SEPTIN7: variants seen among roughly 807,000 people sequenced by gnomAD.
SEPTIN7 encodes the protein septin-7.
A neutral mutation model predicts 63.3 loss-of-function variants in SEPTIN7; 10 were observed. That is an observed-to-expected ratio of 0.16 (90% CI 0.10 to 0.27). The LOEUF (loss-of-function observed/expected upper bound fraction) is 0.27, where lower values mean the gene tolerates loss of function less well. SEPTIN7 is among the 10% of genes least tolerant of loss of function. The probability of loss-of-function intolerance (pLI) is 1.00; values close to 1 mark genes in which losing one functional copy is unlikely to be tolerated. For missense variants in SEPTIN7, 310 were observed against 521.0 expected, an observed-to-expected ratio of 0.59 and a Z score of 3.94; for synonymous variants, 131 against 165.3, an observed-to-expected ratio of 0.79 and a Z score of 1.59.
intron 1 of SEPTIN7, among the ~76,000 whole-genome samples, chr7:35,817,388 G>C (rs190774836): frequency 3.9e-5 from 6 of 152,082 alleles, no homozygotes; most frequent in African/African-American, 1.4e-4. Flanking sequence ...ATTCTCATTT[G>C]TTTCTTATTG....
intron 1 of SEPTIN7, among the ~76,000 whole-genome samples, chr7:35,823,899 A>G (rs557775704): frequency 2.6e-5 from 4 of 151,418 alleles, no homozygotes; most frequent in Admixed American, 2.6e-4. Flanking sequence ...TATATCTGGT[A>G]CTTAGGGAAA....
intron 4 of SEPTIN7, among the ~76,000 whole-genome samples, chr7:35,866,878 G>A (rs1220715456): frequency 5.3e-5 from 8 of 152,156 alleles, no homozygotes; most frequent in Non-Finnish European, 8.8e-5. Flanking sequence ...CAATCACCTG[G>A]AAGGCTTGTC....
At chr7:35,913,183 C>T in the SEPTIN7 span, among the ~76,000 whole-genome samples, 1 of 152,174 alleles carries the variant, frequency 6.6e-6, no homozygotes, top group Non-Finnish European at 1.5e-5. Context: ...CTCAGAGCCA[C>T]AAGAAGGTCA....
At chr7:35,834,226 G>A (rs1190768487) in intron 3 of SEPTIN7, among the ~76,000 whole-genome samples, 16 of 151,592 alleles carry the variant, frequency 1.1e-4, no homozygotes, top group South Asian at 6.3e-4. Flanking sequence ...TTTCACTTAC[G>A]GGAAAACCTC....
chr7:35,810,326 C>CTTT (rs1201297520), intron 1 of SEPTIN7, among the ~76,000 whole-genome samples: 2 of 139,004 alleles, frequency 1.4e-5, no homozygotes, highest in Non-Finnish European at 1.6e-5. Flanking sequence ...AAAATGTTTC[C>CTTT]TTTTTTTTTT....
chr7:35,847,456 A>T lies in SEPTIN7; in HGVS notation c.169+14556A>T, dbSNP rs969215993. On this transcript the variant is annotated intron_variant, in intron 3 of 13. Coordinates refer to ENST00000350320, the MANE Select transcript of SEPTIN7 (RefSeq NM_001788.6). ...TTGGTGAGGTCCACAGCTGCTCGGAAATCTCTTTTAAATGTCAAATTTGGT... is the reference window on the plus strand; with the variant it reads ...TTGGTGAGGTCCACAGCTGCTCGGATATCTCTTTTAAATGTCAAATTTGGT... 6 of 155,446 alleles carry T rather than the reference A, an allele frequency of 3.9e-5. No individual in the cohort carries two copies. In the Admixed American group the frequency reaches 3.9e-4, roughly 10 times the overall value. 9.6% of individuals were successfully genotyped at this position (155,446 alleles called of 1,614,324 possible).
chr7:35,810,738 T>A (rs1159156006), intron 1 of SEPTIN7, among the ~76,000 whole-genome samples: 6 of 152,142 alleles, frequency 3.9e-5, no homozygotes, highest in South Asian at 4.1e-4. Context: ...TTATATATTG[T>A]TATTGTCCAT....
At chr7:35,915,064 GATGC>G in the SEPTIN7 span, among the ~76,000 whole-genome samples, 1 of 149,540 alleles carries the variant, frequency 6.7e-6, no homozygotes, top group Non-Finnish European at 1.5e-5. Flanking sequence ...TATATACACA[GATGC>G]ATGCATGTAC....
Position 35,858,419 on chromosome 7 carries a change from G to A in SEPTIN7, c.170-5133G>A, listed in dbSNP as rs139849200. Among the ~76,000 whole-genome samples the A allele has an allele frequency of 2.5e-3, 374 of 152,110 alleles. 2 individuals are homozygous for A. The highest frequency in any genetic ancestry group is 8.6e-3 in the African/African-American group (355 of 41,488). ...TCGCCAGGCTGGCGTGCAGTAGTGC[G>A]ATCTTGGCTCACTGCAACCTCCGCC... On this transcript the variant is annotated intron_variant, in intron 3 of 13. Transcript: ENST00000350320.
intron 1 of SEPTIN7, among the ~76,000 whole-genome samples, chr7:35,820,490 T>G (rs1789348041): frequency 6.6e-6 from 1 of 152,184 alleles, no homozygotes; most frequent in East Asian, 1.9e-4. Flanking sequence ...TGGTGATTCT[T>G]TTTTCTGCAA....
At chr7:35,851,182 C>T (rs1784941148) in intron 3 of SEPTIN7, among the ~76,000 whole-genome samples, 1 of 152,032 alleles carries the variant, frequency 6.6e-6, no homozygotes, top group South Asian at 2.1e-4. Flanking sequence ...ATAAGAAGGA[C>T]ATGGGTTATT....
chr7:35,835,991 A>AT (rs1488593391), intron 3 of SEPTIN7, among the ~76,000 whole-genome samples: 1 of 152,082 alleles, frequency 6.6e-6, no homozygotes, highest in Non-Finnish European at 1.5e-5. Flanking sequence ...ATTTTTCAAG[A>AT]TTTTTTTCAC....
intron 3 of SEPTIN7, among the ~76,000 whole-genome samples, chr7:35,853,859 A>G (rs1044886554): frequency 4.6e-5 from 7 of 152,194 alleles, no homozygotes; most frequent in Admixed American, 3.9e-4. Flanking sequence ...GTATTTAGAA[A>G]GGCAGTAGAA....
At chr7:35,815,601 T>G (rs1395903941) in intron 1 of SEPTIN7, among the ~76,000 whole-genome samples, 1 of 152,218 alleles carries the variant, frequency 6.6e-6, no homozygotes, top group African/African-American at 2.4e-5. Context: ...GCTTACTTGC[T>G]AGAGTATATT....
intron 1 of SEPTIN7, among the ~76,000 whole-genome samples, chr7:35,819,361 C>G (rs926581689): frequency 1.3e-5 from 2 of 152,110 alleles, no homozygotes; most frequent in Non-Finnish European, 2.9e-5. Context: ...GTTTTGTGAT[C>G]TAACATATGG....
intron 11 of SEPTIN7, among the ~76,000 whole-genome samples, chr7:35,896,869 A>C (rs1287383897): frequency 1.3e-5 from 2 of 152,244 alleles, no homozygotes; most frequent in Non-Finnish European, 2.9e-5. Flanking sequence ...ATCTTAATTC[A>C]TAGCATTATA....
rs550116890 is a variant in SEPTIN7 at position 35,906,261 on chromosome 7, C to CT, written c.*1971dup. On this transcript the variant is annotated 3_prime_UTR_variant, in exon 14 of 14. Transcript: ENST00000350320. ...CATTATTCTACCATCCTAATGAAAA[C>CT]TTTCAGAAGTCTTTCTTTATCCATG... 6.6e-6 allele frequency: 1 copy of CT among 152,140 alleles called. No individual in the cohort carries two copies. The highest frequency in any genetic ancestry group is 1.5e-5 in the Non-Finnish European group (1 of 68,030). 9.4% of individuals were successfully genotyped at this position (152,140 alleles called of 1,614,324 possible).
rs1373828020 is a variant in SEPTIN7 at position 35,883,983 on chromosome 7, T to C, written c.816T>C (p.Ala272=). ...GAAGGCAGTATCCTTGGGGTGTTGC[T>C]GAAGGTAAGATTTTCTTCAGTGAAT... ...VRGRQYPWGV[A]EVENGEHCDF... is the part of the protein sequence containing the mutation. Residue 272 remains alanine, a synonymous_variant, in exon 9 of 14, where the codon GCT becomes GCC. Transcript: ENST00000350320. 3 of 1,597,862 alleles carry C rather than the reference T, an allele frequency of 1.9e-6. No individual in the cohort carries two copies. The highest frequency in any genetic ancestry group is 2.7e-5 in the African/African-American group (2 of 74,526).
chr7:35,881,448 A>G (rs1786871716), intron 7 of SEPTIN7, among the ~76,000 whole-genome samples: 1 of 151,234 alleles, frequency 6.6e-6, no homozygotes. Flanking sequence ...AGAGCTAGCT[A>G]CTATTACTCA....
Sources: gnomAD v4.1 joint callset for allele counts (sites outside exome capture counted in the v4.1 genomes callset) on GRCh38, gnomAD v4.1.1 for gene constraint, MANE v1.5 for transcripts, NCBI Gene and HGNC (gene_info 2026-07-23, HGNC 2026-07-21) for gene names.